The following ANK3 variants were observed in gnomAD, a reference collection of about 807,000 sequenced individuals.
ANK3 encodes ankyrin-3.
ANK3 carries 57 observed loss-of-function variants against 370.9 expected under a neutral mutation model. That is an observed-to-expected ratio of 0.15 (90% CI 0.12 to 0.19). The LOEUF is 0.19. ANK3 is among the 10% of genes least tolerant of loss of function. The pLI is 1.00. For missense variants in ANK3, 4,439 were observed against 5,302.1 expected, an observed-to-expected ratio of 0.84 and a Z score of 5.06; for synonymous variants, 1,929 against 1,946.3, an observed-to-expected ratio of 0.99 and a Z score of 0.23.
At position 60,069,266 on chromosome 10, in the gene ANK3, G is replaced by A; in HGVS notation, c.11615C>T (p.Pro3872Leu). The change falls in exon 37 of 44, where the codon CCA becomes CTA. Residue 3872 changes from proline to leucine, a missense_variant. By Grantham distance (98) the Pro-to-Leu change is moderately conservative (BLOSUM62 -3). Around this residue, in one of 13 missense-constraint regions of ANK3, gnomAD observed 496 missense variants for 529.3 expected, o/e 0.94. Transcript: ENST00000280772. Reference sequence around the variant, plus strand: ...ATGGTTCGGTGGGAAGGTATCTTTTGGTGAAGTGGCCTTTATGGGAAGTTT... The same window carrying A: ...ATGGTTCGGTGGGAAGGTATCTTTTAGTGAAGTGGCCTTTATGGGAAGTTT... ...KSKLPIKATS[P>L]KDTFPPNHMS... 3.1e-6 allele frequency: 5 copies of A among 1,614,138 alleles called. No homozygotes were observed. Among genetic ancestry groups the A allele is most frequent in the Non-Finnish European group, 4.2e-6 (5 of 1,180,004 alleles).
At chr10:60,064,459 T>C (rs570965011) in intron 38 of ANK3, among the ~76,000 whole-genome samples, 171 bp from the exon 39 acceptor site, 11 of 152,298 alleles carry the variant, frequency 7.2e-5, no homozygotes, top group East Asian at 1.9e-4. Context: ...GTAGTGACCA[T>C]ACACAGGCTG....
intron 2 of ANK3, among the ~76,000 whole-genome samples, chr10:60,586,761 A>C (rs960058688): frequency 6.6e-6 from 1 of 152,202 alleles, no homozygotes; most frequent in African/African-American, 2.4e-5. Context: ...TCTCACTAAT[A>C]AAAAGTAGAA....
chr10:60,124,910 C>T (rs12251392), intron 25 of ANK3, among the ~76,000 whole-genome samples: 9,718 of 152,106 alleles, frequency 0.064, 423 homozygotes, highest in African/African-American at 0.1. Context: ...GCCAAAAGCA[C>T]GAAATGAGAT....
Position 60,354,235 on chromosome 10 carries a change from G to A in ANK3, c.114+35190C>T, listed in dbSNP as rs942632961. Among the ~76,000 whole-genome samples, 35 of 152,312 alleles carry A rather than the reference G, an allele frequency of 2.3e-4. No homozygotes were observed. In the East Asian group the frequency reaches 6.4e-3, roughly 28 times the overall value. ...ATCTGCCACAAGAAATGTGAGAGAA[G>A]ATCTGAGAAACCTTTAAGTCTGAGT... On this transcript the variant is annotated intron_variant, in intron 1 of 43. Transcript: ENST00000280772.
At chr10:60,095,294 C>T (rs557919991) in intron 28 of ANK3, among the ~76,000 whole-genome samples, 1 of 152,222 alleles carries the variant, frequency 6.6e-6, no homozygotes, top group Non-Finnish European at 1.5e-5. Flanking sequence ...GACTCAGACA[C>T]TTTTCACATC....
At chr10:60,618,943 C>A (rs1320228620) in intron 1 of ANK3, among the ~76,000 whole-genome samples, 4 of 151,852 alleles carry the variant, frequency 2.6e-5, no homozygotes, top group African/African-American at 7.3e-5. Context: ...AAATTAAAAC[C>A]AGAAATAAGA....
chr10:60,155,362 CG>C (rs2095298814), intron 23 of ANK3, among the ~76,000 whole-genome samples: 1 of 152,164 alleles, frequency 6.6e-6, no homozygotes, highest in Non-Finnish European at 1.5e-5. Context: ...CCAGTGCCCA[CG>C]GAAGGAGCAT....
chr10:60,192,840 T>G (rs2096515245), intron 16 of ANK3, among the ~76,000 whole-genome samples: 1 of 152,132 alleles, frequency 6.6e-6, no homozygotes, highest in South Asian at 2.1e-4. Flanking sequence ...CCCAAATTGA[T>G]TTTTTAAAAA....
chr10:60,633,028 G>A (rs1460805916), intron 1 of ANK3, among the ~76,000 whole-genome samples: 1 of 152,028 alleles, frequency 6.6e-6, no homozygotes, highest in Non-Finnish European at 1.5e-5. Context: ...AGATAGACTA[G>A]TGTATATAGA....
intron 4 of ANK3, among the ~76,000 whole-genome samples, chr10:60,271,933 A>T (rs1294875011): frequency 6.6e-6 from 1 of 151,162 alleles, no homozygotes; most frequent in East Asian, 1.9e-4. Flanking sequence ...AGAAACACAA[A>T]ATTAGAGGCA....
chr10:60,164,525 A>T (rs1380643878), intron 23 of ANK3, among the ~76,000 whole-genome samples: 2 of 152,068 alleles, frequency 1.3e-5, no homozygotes, highest in Non-Finnish European at 2.9e-5. Flanking sequence ...AAATAGAAAA[A>T]GCATTTTTAA....
intron 2 of ANK3, among the ~76,000 whole-genome samples, chr10:60,503,358 C>A (rs1245132190): frequency 1.3e-5 from 2 of 152,142 alleles, no homozygotes; most frequent in Non-Finnish European, 2.9e-5. Context: ...ATTTATTGAT[C>A]ATTTCCTAAG....
At chr10:60,548,131 C>T (rs1483750448) in intron 2 of ANK3, among the ~76,000 whole-genome samples, 4 of 150,930 alleles carry the variant, frequency 2.7e-5, no homozygotes, top group African/African-American at 7.3e-5. Context: ...CAATAAATAA[C>T]ACATAGTTTC....
At chr10:60,618,900 T>C (rs1050960843) in intron 1 of ANK3, among the ~76,000 whole-genome samples, 2 of 152,126 alleles carry the variant, frequency 1.3e-5, no homozygotes, top group East Asian at 1.9e-4. Context: ...TCTAGGACAA[T>C]TTAACTTTAG....
chr10:60,323,167 C>A (rs2049039812), intron 1 of ANK3, among the ~76,000 whole-genome samples: 1 of 152,126 alleles, frequency 6.6e-6, no homozygotes, highest in African/African-American at 2.4e-5. Context: ...CCAGTTGATA[C>A]CATAGGCAAC....
intron 1 of ANK3, among the ~76,000 whole-genome samples, chr10:60,648,310 G>T (rs1476972988): frequency 3.4e-5 from 4 of 118,094 alleles, no homozygotes; most frequent in Admixed American, 9.2e-5. Context: ...GAGCCACCAT[G>T]CCCGGCTAAT....
At chr10:60,487,374 A>G (rs530096170) in intron 2 of ANK3, among the ~76,000 whole-genome samples, 1 of 152,334 alleles carries the variant, frequency 6.6e-6, no homozygotes, top group South Asian at 2.1e-4. Context: ...GTTGGCCCCA[A>G]TCTTCATTAA....
intron 1 of ANK3, among the ~76,000 whole-genome samples, chr10:60,634,740 C>CT (rs2078529803): frequency 1.3e-5 from 2 of 152,144 alleles, no homozygotes; most frequent in Admixed American, 6.5e-5. Flanking sequence ...CTGTAACACT[C>CT]ACCGAGAAGG....
chr10:60,244,323 T>G (rs1430069202), intron 7 of ANK3, among the ~76,000 whole-genome samples: 1 of 152,172 alleles, frequency 6.6e-6, no homozygotes. Context: ...CTGGGAGAGG[T>G]TATCATTAAG....
Sources: allele counts gnomAD v4.1 joint callset (sites outside exome capture counted in the v4.1 genomes callset), GRCh38; gene constraint gnomAD v4.1.1; regional missense constraint gnomAD v4.1.1; transcripts MANE v1.5; gene names NCBI Gene and HGNC (gene_info 2026-07-23, HGNC 2026-07-21).